Variants in KMT2C observed in about 807,000 individuals in gnomAD.
The protein encoded by KMT2C is histone-lysine N-methyltransferase 2C.
In KMT2C, 88 loss-of-function variants were observed where a neutral mutation model predicts 507.9. The ratio of observed to expected loss-of-function variants is 0.17; its 90% confidence interval spans 0.15 to 0.21. KMT2C has a LOEUF of 0.21. KMT2C is among the 10% of genes least tolerant of loss of function. The probability of loss-of-function intolerance (pLI) is 1.00; values close to 1 mark genes in which losing one functional copy is unlikely to be tolerated. For missense variants in KMT2C, 4,954 were observed against 5,957.8 expected, an observed-to-expected ratio of 0.83 and a Z score of 5.55; for synonymous variants, 2,049 against 2,080.8, an observed-to-expected ratio of 0.98 and a Z score of 0.42.
At chr7:152,178,377 C>T (rs1015716858) in intron 37 of KMT2C, among the ~76,000 whole-genome samples, 5 of 151,960 alleles carry the variant, frequency 3.3e-5, no homozygotes, top group Non-Finnish European at 7.4e-5. Flanking sequence ...TAGGGAGGTT[C>T]GATGGAGGAA....
At chr7:152,271,649 G>A (rs1588766138) in intron 7 of KMT2C, among the ~76,000 whole-genome samples, 1 of 133,004 alleles carries the variant, frequency 7.5e-6, no homozygotes, top group African/African-American at 2.9e-5. Flanking sequence ...ATTCCAGCCA[G>A]AGTGACAGTG....
intron 2 of KMT2C, among the ~76,000 whole-genome samples, chr7:152,338,939 C>T (rs2096963904): frequency 1.3e-5 from 2 of 152,130 alleles, no homozygotes; most frequent in Non-Finnish European, 2.9e-5. Context: ...ATGAAGTGGA[C>T]AGAACATTTA....
chr7:152,229,685 A>G (rs1271987327), intron 18 of KMT2C, among the ~76,000 whole-genome samples: 1 of 152,198 alleles, frequency 6.6e-6, no homozygotes, highest in African/African-American at 2.4e-5. Flanking sequence ...TTTAAATTAA[A>G]TGCATATATT....
chr7:152,252,022 A>T lies in KMT2C; in HGVS notation c.1538T>A (p.Ile513Asn), dbSNP rs1029400764. Residue 513 changes from isoleucine (I) to asparagine (N), a missense_variant, in exon 11 of 59, where the codon ATC (isoleucine) becomes AAC (asparagine). By Grantham distance (149) the Ile-to-Asn change is moderately radical. This residue lies in a region of KMT2C where 376 missense variants were observed against 352.4 expected (regional missense o/e 1.07). Coordinates refer to ENST00000262189, the MANE Select transcript of KMT2C (RefSeq NM_170606.3). ...TCCCAGGTGTTTACAATACATGCAG[A>T]TATACTCTTCTTTGAGCTGAGTATC... is the stretch of plus-strand genomic sequence containing the variant. ...ELDTQLKEEYICMYCKHLGAE... is the reference protein window; with the variant it reads ...ELDTQLKEEYNCMYCKHLGAE... 3.7e-6 allele frequency: 6 copies of T among 1,612,812 alleles called. No homozygotes were observed. In the African/African-American group the frequency reaches 8.0e-5, roughly 22 times the overall value.
At position 152,181,782 on chromosome 7, in the gene KMT2C, A is replaced by G; in HGVS notation, c.6078T>C (p.Tyr2026=). 6.2e-7 allele frequency: 1 copy of G among 1,614,194 alleles called. No homozygotes were observed. The highest frequency in any genetic ancestry group is 8.5e-7 in the Non-Finnish European group (1 of 1,180,036). Reference sequence around the variant, plus strand: ...GTGCAGGTGTCAACAAGGGTCGTGCATATGAGTCAGGTATCCTTTGTCTTT... The same window carrying G: ...GTGCAGGTGTCAACAAGGGTCGTGCGTATGAGTCAGGTATCCTTTGTCTTT... ...VFQRQRIPDS[Y]ARPLLTPAPL... The change falls in exon 36 of 59, where the codon TAT becomes TAC. Residue 2026 remains tyrosine (Y), a synonymous_variant. Coordinates refer to ENST00000262189, the MANE Select transcript of KMT2C (RefSeq NM_170606.3).
chr7:152,289,629 AAAC>A (rs1323866370), intron 6 of KMT2C, among the ~76,000 whole-genome samples: 3 of 152,236 alleles, frequency 2.0e-5, no homozygotes, highest in African/African-American at 7.2e-5. Flanking sequence ...ACTTCAAGGA[AAAC>A]AACTTAGAAC....
intron 6 of KMT2C, among the ~76,000 whole-genome samples, chr7:152,297,085 G>GAGAA (rs2096521302): frequency 6.7e-6 from 1 of 149,806 alleles, no homozygotes; most frequent in Non-Finnish European, 1.5e-5. Flanking sequence ...GAGAGAGAGA[G>GAGAA]AGAGAGAGAA....
Position 152,162,608 on chromosome 7 carries a change from C to T in KMT2C, c.10969G>A (p.Asp3657Asn), listed in dbSNP as rs146298908. The part of the protein sequence containing the change: ...STPSELPQQA[D>N]QESVEPVGPS... ...CCGACTGGTTCCACCGACTCTTGGT[C>T]GGCTTGTTGAGGAAGCTCACTGGGT... Residue 3657 changes from aspartate to asparagine, a missense_variant, in exon 43 of 59, where the codon GAC (aspartate) becomes AAC (asparagine). This residue lies in a region of KMT2C where 801 missense variants were observed against 751.2 expected (regional missense o/e 1.07). Transcript: ENST00000262189. 3.0e-5 allele frequency: 49 copies of T among 1,614,148 alleles called. No homozygotes were observed. Among genetic ancestry groups the T allele is most frequent in the African/African-American group, 8.0e-5 (6 of 75,044 alleles).
intron 43 of KMT2C, among the ~76,000 whole-genome samples, chr7:152,160,901 A>T (rs182785912): frequency 6.6e-6 from 1 of 152,250 alleles, no homozygotes; most frequent in African/African-American, 2.4e-5. Context: ...GCATCAACAC[A>T]TATTTGAGAT....
intron 6 of KMT2C, among the ~76,000 whole-genome samples, chr7:152,308,113 T>C (rs1313143573): frequency 6.6e-6 from 1 of 152,196 alleles, no homozygotes; most frequent in Non-Finnish European, 1.5e-5. Flanking sequence ...TACACTTTAA[T>C]GTAAAATTTC....
chr7:152,255,050 A>G (rs2095622087), intron 9 of KMT2C, among the ~76,000 whole-genome samples: 1 of 145,528 alleles, frequency 6.9e-6, no homozygotes. Context: ...CAAACTTGTA[A>G]AGACATCCCT....
intron 38 of KMT2C, among the ~76,000 whole-genome samples, chr7:152,175,150 A>ATT (rs58064231): frequency 0.083 from 12,005 of 145,468 alleles, 607 homozygotes; most frequent in East Asian, 0.14. Context: ...CGTTGTTTTC[A>ATT]TTTTTTTTTT....
chr7:152,147,759 T>G (rs535971336), intron 52 of KMT2C, among the ~76,000 whole-genome samples: 1 of 142,456 alleles, frequency 7.0e-6, no homozygotes, highest in South Asian at 2.2e-4. Context: ...AGGTCCCCAA[T>G]GCAAATGACA....
At position 152,166,601 on chromosome 7, in the gene KMT2C, A is replaced by T. The variant is rs577804415; in HGVS notation, c.9750+545T>A. On this transcript the variant is annotated intron_variant, in intron 42 of 58. Transcript: ENST00000262189. Reference sequence around the variant, plus strand: ...GGTTTATAATAGAAGATAATGGCAAAATGATTTCATTTTTCTGGAACAGTA... The same window carrying T: ...GGTTTATAATAGAAGATAATGGCAATATGATTTCATTTTTCTGGAACAGTA... Among the ~76,000 whole-genome samples, 9 of 152,268 alleles carry T rather than the reference A, an allele frequency of 5.9e-5. No individual in the cohort carries two copies. In the South Asian group the frequency reaches 1.9e-3, roughly 32 times the overall value.
At chr7:152,280,324 C>T (rs1325137065) in intron 6 of KMT2C, among the ~76,000 whole-genome samples, 2 of 151,720 alleles carry the variant, frequency 1.3e-5, no homozygotes, top group African/African-American at 2.4e-5. Flanking sequence ...AGGCGGATCA[C>T]GAGGTCATGA....
At chr7:152,209,611 G>A (rs1214379921) in intron 23 of KMT2C, among the ~76,000 whole-genome samples, 5 of 151,384 alleles carry the variant, frequency 3.3e-5, no homozygotes, top group Non-Finnish European at 5.9e-5. Flanking sequence ...GTGGCATGCC[G>A]GTAATCCCAG....
At chr7:152,137,974 C>G (rs903362551) in intron 58 of KMT2C, 1 of 152,210 alleles carries the variant, frequency 6.6e-6, no homozygotes, top group African/African-American at 2.4e-5. Flanking sequence ...TAGAATCCCA[C>G]GAATCCCATG....
intron 6 of KMT2C, among the ~76,000 whole-genome samples, chr7:152,295,367 C>A (rs2096481312): frequency 6.6e-6 from 1 of 152,130 alleles, no homozygotes; most frequent in Non-Finnish European, 1.5e-5. Context: ...ATTCCTGTCC[C>A]CTAGTATTCT....
chr7:152,297,051 A>AAGAAAGAAAGAAAGACAGACAGAC (rs1356233143), intron 6 of KMT2C, among the ~76,000 whole-genome samples: 8 of 60,240 alleles, frequency 1.3e-4, no homozygotes, highest in Admixed American at 3.7e-4. Context: ...GAAAGAAAGA[A>AAGAAAGAAAGAAAGACAGACAGAC]AGACAGAGAG....
Sources: gnomAD v4.1 joint callset for allele counts (sites outside exome capture counted in the v4.1 genomes callset) on GRCh38, gnomAD v4.1.1 for gene constraint, gnomAD v4.1.1 regional missense constraint, MANE v1.5 for transcripts, NCBI Gene and HGNC (gene_info 2026-07-23, HGNC 2026-07-21) for gene names.